NMI: variants seen among roughly 807,000 people sequenced by gnomAD.
The protein encoded by NMI is N-myc-interactor.
A neutral mutation model predicts 34.3 loss-of-function variants in NMI; 39 were observed. The observed-to-expected ratio is 1.14, with a 90% CI of 0.88 to 1.49. The LOEUF (loss-of-function observed/expected upper bound fraction) is 1.49, where lower values mean the gene tolerates loss of function less well. Among genes scored for constraint, NMI ranks in the 40% most tolerant of loss-of-function variants. The pLI, the probability that NMI is intolerant of heterozygous loss-of-function variation, is 0.00. For synonymous variants in NMI, 113 were observed against 120.3 expected, an observed-to-expected ratio of 0.94 and a Z score of 0.40; for missense variants, 339 against 358.1, an observed-to-expected ratio of 0.95 and a Z score of 0.43.
intron 6 of NMI, among the ~76,000 whole-genome samples, chr2:151,274,399 C>T (rs1683248698): frequency 6.9e-6 from 1 of 145,372 alleles, no homozygotes; most frequent in Admixed American, 6.9e-5. Flanking sequence ...TTAATGTGCC[C>T]AGAGAAAAGC....
chr2:151,281,927 A>T (rs1683412598), intron 3 of NMI, 21 bp downstream of exon 3: 2 of 1,202,362 alleles, frequency 1.7e-6, no homozygotes, highest in Non-Finnish European at 2.4e-6. Context: ...AATGTAGTAT[A>T]TAAAATAATT....
intron 6 of NMI, among the ~76,000 whole-genome samples, chr2:151,274,376 A>T (rs1411209599): frequency 7.1e-6 from 1 of 141,770 alleles, no homozygotes; most frequent in East Asian, 2.1e-4. Context: ...AAAAAAAAGG[A>T]TATTGACATG....
chr2:151,274,514 C>G (rs1324881249), intron 6 of NMI, among the ~76,000 whole-genome samples: 1 of 147,590 alleles, frequency 6.8e-6, no homozygotes, highest in Non-Finnish European at 1.5e-5. Flanking sequence ...CTCACTCTGT[C>G]GCCCAAGCTG....
At chr2:151,280,919 C>T (rs1004544869) in intron 3 of NMI, among the ~76,000 whole-genome samples, 1 of 151,614 alleles carries the variant, frequency 6.6e-6, no homozygotes, top group South Asian at 2.1e-4. Context: ...CTCAGCTCAT[C>T]GCGACCTCCG....
intron 4 of NMI, 118 bp downstream of exon 4, chr2:151,278,710 A>G: frequency 1.3e-6 from 1 of 779,492 alleles, no homozygotes; most frequent in South Asian, 1.7e-5. Flanking sequence ...CCTGCCTCAG[A>G]ACGTCACTAT....
intron 2 of NMI, 60 bp downstream of exon 2, chr2:151,282,808 T>C (rs1017468551): frequency 2.2e-5 from 19 of 877,446 alleles, no homozygotes; most frequent in Non-Finnish European, 3.3e-5. Context: ...AAACATGCCT[T>C]ACTGCAAAAC....
At chr2:151,273,414 A>AACC (rs556817908) in intron 6 of NMI, among the ~76,000 whole-genome samples, 160 of 152,368 alleles carry the variant, frequency 1.1e-3, no homozygotes, top group African/African-American at 3.7e-3. Flanking sequence ...GGCTAGATGT[A>AACC]ACCTCTAGGA....
chr2:151,286,244 A>G (rs879879012), intron 1 of NMI, among the ~76,000 whole-genome samples: 1 of 152,222 alleles, frequency 6.6e-6, no homozygotes, highest in Non-Finnish European at 1.5e-5. Flanking sequence ...CCAAAGATGC[A>G]TAATCTGAAT....
In NMI at chr2:151,279,041, G is replaced by A. The variant is rs1046637289; in HGVS notation, c.178-51C>T. The A allele has an allele frequency of 2.4e-6, 3 of 1,246,364 alleles. No individual in the cohort carries two copies. In the African/African-American group the frequency reaches 4.5e-5, roughly 19 times the overall value. The allele number at this position is 1,246,364 out of a possible 1,614,324, so 77.2% of individuals were successfully genotyped here. On this transcript the variant is annotated intron_variant, in intron 3 of 7. Transcript: ENST00000243346. ...AAAATCAAGACGAGAAATAACTTAA[G>A]TCCTTCCAATGATAATGTAATTTGG...
At chr2:151,277,071 G>A (rs1683304473) in intron 4 of NMI, among the ~76,000 whole-genome samples, 1 of 152,170 alleles carries the variant, frequency 6.6e-6, no homozygotes, top group South Asian at 2.1e-4. Flanking sequence ...ATGAAAATAA[G>A]TGACATTCAC....
chr2:151,289,252 C>CAAAAA (rs5835358), intron 1 of NMI, among the ~76,000 whole-genome samples: 1 of 74,274 alleles, frequency 1.3e-5, no homozygotes, highest in Non-Finnish European at 2.6e-5. Flanking sequence ...GACTCCGTCT[C>CAAAAA]AAAAAAAAAA....
At chr2:151,274,344 CAAAAAAAAAAAAAA>C (rs773276443) in intron 6 of NMI, among the ~76,000 whole-genome samples, 1 of 54,672 alleles carries the variant, frequency 1.8e-5, no homozygotes, top group East Asian at 6.7e-4. Flanking sequence ...CTCTGTCTCA[CAAAAAAAAAAAAAA>C]AAAAAAAAAA....
At chr2:151,289,275 A>AG (rs1315001666) in intron 1 of NMI, among the ~76,000 whole-genome samples, 33 of 147,776 alleles carry the variant, frequency 2.2e-4, no homozygotes, top group African/African-American at 8.0e-4. Flanking sequence ...AAAAAAAAAA[A>AG]AGAGAGAAAA....
intron 3 of NMI, among the ~76,000 whole-genome samples, chr2:151,281,641 G>A (rs1038582851): frequency 3.3e-5 from 5 of 151,846 alleles, no homozygotes; most frequent in African/African-American, 9.6e-5. Context: ...GGAAGCATAT[G>A]GTATGCCCTC....
At chr2:151,282,567 G>A (rs748851952) in intron 2 of NMI, among the ~76,000 whole-genome samples, 3 of 152,124 alleles carry the variant, frequency 2.0e-5, no homozygotes, top group South Asian at 2.1e-4. Context: ...CTGGGCCTCC[G>A]TTCCCTCTTG....
intron 1 of NMI, among the ~76,000 whole-genome samples, chr2:151,284,749 T>C (rs1487404753): frequency 6.6e-6 from 1 of 152,236 alleles, no homozygotes; most frequent in Non-Finnish European, 1.5e-5. Context: ...AAGGATATCA[T>C]GATTCTATGT....
chr2:151,287,397 C>G (rs947711263), intron 1 of NMI, among the ~76,000 whole-genome samples: 6 of 151,764 alleles, frequency 4.0e-5, no homozygotes, highest in African/African-American at 1.5e-4. Flanking sequence ...ACTGCAAAAT[C>G]TTCTTAATGG....
intron 6 of NMI, among the ~76,000 whole-genome samples, chr2:151,274,287 G>C (rs893282490): frequency 7.5e-6 from 1 of 133,298 alleles, no homozygotes; most frequent in African/African-American, 2.9e-5. Flanking sequence ...AGGTTGCAGT[G>C]AGCTGAGATA....
At chr2:151,273,679 C>T (rs1010235453) in intron 6 of NMI, among the ~76,000 whole-genome samples, 1 of 152,122 alleles carries the variant, frequency 6.6e-6, no homozygotes, top group Admixed American at 6.5e-5. Flanking sequence ...TGAGCCAGCA[C>T]ATCCGCTAAT....
Sources: gnomAD v4.1 joint callset for allele counts (sites outside exome capture counted in the v4.1 genomes callset) on GRCh38, gnomAD v4.1.1 for gene constraint, MANE v1.5 for transcripts, NCBI Gene and HGNC (gene_info 2026-07-23, HGNC 2026-07-21) for gene names.